CA10: variants seen among roughly 807,000 people sequenced by gnomAD.
CA10 encodes carbonic anhydrase 10 (inactive).
Under a neutral mutation model 44.2 loss-of-function variants are expected in CA10, and 14 were observed. The observed-to-expected ratio is 0.32, with a 90% CI of 0.21 to 0.50. CA10 has a LOEUF of 0.50. Among genes scored for constraint, CA10 ranks in the 20% least tolerant of loss-of-function variants. The probability of loss-of-function intolerance (pLI) is 0.99; values close to 1 mark genes in which losing one functional copy is unlikely to be tolerated. For synonymous variants in CA10, 159 were observed against 141.6 expected (o/e 1.12, Z -0.87); for missense variants, 350 against 409.7 (o/e 0.85, Z 1.26).
At chr17:51,741,941 A>G (rs1483815555) in intron 4 of CA10, among the ~76,000 whole-genome samples, 3 of 152,176 alleles carry the variant, frequency 2.0e-5, no homozygotes, top group African/African-American at 7.2e-5. Context: ...CAGGTAGTAA[A>G]TATTTTGGCT....
intron 3 of CA10, among the ~76,000 whole-genome samples, chr17:51,875,578 C>T (rs1366210445): frequency 2.0e-5 from 3 of 152,286 alleles, no homozygotes; most frequent in Middle Eastern, 3.4e-3. Flanking sequence ...TTATACTGCA[C>T]CCCAATCTCT....
At chr17:51,799,902 A>C (rs1906859329) in intron 3 of CA10, among the ~76,000 whole-genome samples, 2 of 152,208 alleles carry the variant, frequency 1.3e-5, no homozygotes, top group Admixed American at 1.3e-4. Context: ...GAAGCCTCAT[A>C]GACTGCTTGG....
chr17:51,699,779 G>C (rs573724249), intron 4 of CA10, among the ~76,000 whole-genome samples: 1 of 152,282 alleles, frequency 6.6e-6, no homozygotes, highest in African/African-American at 2.4e-5. Flanking sequence ...CAGCAGATGT[G>C]TATACCAGCT....
At chr17:51,886,869 G>A (rs1250871465) in intron 3 of CA10, among the ~76,000 whole-genome samples, 2 of 152,018 alleles carry the variant, frequency 1.3e-5, no homozygotes, top group Non-Finnish European at 2.9e-5. Context: ...TCTTGTTCTT[G>A]GGCCTTCAAA....
chr17:51,985,265 T>C (rs1421070689), intron 2 of CA10, among the ~76,000 whole-genome samples: 1 of 151,980 alleles, frequency 6.6e-6, no homozygotes, highest in African/African-American at 2.4e-5. Context: ...AAACAAAGAC[T>C]ACATGATCAT....
At chr17:51,998,508 T>C (rs891074562) in intron 2 of CA10, among the ~76,000 whole-genome samples, 1 of 152,084 alleles carries the variant, frequency 6.6e-6, no homozygotes, top group African/African-American at 2.4e-5. Flanking sequence ...CCATCCCTTT[T>C]TCCTCGAGTG....
intron 3 of CA10, among the ~76,000 whole-genome samples, chr17:51,792,572 C>A (rs574051021): frequency 3.9e-5 from 6 of 152,130 alleles, no homozygotes; most frequent in Admixed American, 6.5e-5. Context: ...TTGTGCAAAA[C>A]AATCATCCTA....
At position 51,682,333 on chromosome 17, in the gene CA10, G is replaced by A. The variant is rs78084427; in HGVS notation, c.466-28597C>T. The stretch of plus-strand genomic sequence containing the variant: ...TTGGGCCAAGGCACAAGCTGAAACC[G>A]CTGGCAAAATGAAACTTCCCCTGGC... On this transcript the variant is annotated intron_variant, in intron 4 of 8. Coordinates refer to ENST00000451037, the MANE Select transcript of CA10 (RefSeq NM_020178.5). Among the ~76,000 whole-genome samples the A allele has an allele frequency of 7.2e-3, 1,094 of 152,292 alleles. 7 individuals are homozygous for A. Among genetic ancestry groups the A allele is most frequent in the Non-Finnish European group, 8.6e-3 (588 of 68,032 alleles).
chr17:51,802,409 T>A (rs16950537), intron 3 of CA10, among the ~76,000 whole-genome samples: 7,151 of 152,070 alleles, frequency 0.047, 411 homozygotes, highest in African/African-American at 0.14. Flanking sequence ...GTCTAACTCA[T>A]GTGATCTTCA....
intron 2 of CA10, among the ~76,000 whole-genome samples, chr17:52,038,683 C>A (rs992205551): frequency 1.2e-4 from 18 of 152,060 alleles, no homozygotes; most frequent in African/African-American, 4.1e-4. Context: ...GCAAGTAAGA[C>A]AATGTATTTT....
chr17:52,118,357 G>A (rs1988942501), intron 1 of CA10, among the ~76,000 whole-genome samples: 1 of 152,150 alleles, frequency 6.6e-6, no homozygotes, highest in Admixed American at 6.5e-5. Flanking sequence ...CTGTTAATGA[G>A]TAAAGATTTT....
chr17:51,919,545 G>A (rs1431653830), intron 3 of CA10, among the ~76,000 whole-genome samples: 1 of 152,196 alleles, frequency 6.6e-6, no homozygotes, highest in East Asian at 1.9e-4. Context: ...TAGATGGATG[G>A]TAAGAGAGCT....
intron 6 of CA10, among the ~76,000 whole-genome samples, chr17:51,641,219 T>C (rs1913074642): frequency 6.6e-6 from 1 of 151,720 alleles, no homozygotes; most frequent in Non-Finnish European, 1.5e-5. Context: ...TATGAGAAAA[T>C]AGCTTATAAA....
intron 3 of CA10, among the ~76,000 whole-genome samples, chr17:51,892,934 AT>A (rs1980921183): frequency 6.6e-6 from 1 of 152,194 alleles, no homozygotes. Context: ...TGTGTCAAAA[AT>A]AAACTACTTG....
chr17:51,845,162 A>G (rs961817964), intron 3 of CA10, among the ~76,000 whole-genome samples: 5 of 152,136 alleles, frequency 3.3e-5, no homozygotes, highest in Non-Finnish European at 7.4e-5. Flanking sequence ...TGAATGTTTC[A>G]CCTCCAGATG....
intron 3 of CA10, among the ~76,000 whole-genome samples, chr17:51,928,522 G>C (rs1982520239): frequency 6.6e-6 from 1 of 152,146 alleles, no homozygotes; most frequent in African/African-American, 2.4e-5. Flanking sequence ...CTTCCAGAGA[G>C]CTGCATCACA....
intron 3 of CA10, among the ~76,000 whole-genome samples, chr17:51,909,369 G>C (rs1981697526): frequency 2.0e-5 from 3 of 152,134 alleles, no homozygotes; most frequent in African/African-American, 7.2e-5. Flanking sequence ...CGAGAATCCA[G>C]CTTGTTACCA....
chr17:52,108,409 A>G (rs547335406), intron 1 of CA10, among the ~76,000 whole-genome samples: 1 of 151,692 alleles, frequency 6.6e-6, no homozygotes, highest in Non-Finnish European at 1.5e-5. Context: ...CATAAGAATG[A>G]TGCCATGGGC....
At chr17:51,653,000 A>C (rs1301553375) in intron 5 of CA10, among the ~76,000 whole-genome samples, 1 of 84,394 alleles carries the variant, frequency 1.2e-5, no homozygotes, top group Non-Finnish European at 2.8e-5. Context: ...AAAGGTAATT[A>C]GTATTTTTTT....
Sources: allele counts gnomAD v4.1 joint callset (sites outside exome capture counted in the v4.1 genomes callset), GRCh38; gene constraint gnomAD v4.1.1; transcripts MANE v1.5; gene names NCBI Gene and HGNC (gene_info 2026-07-23, HGNC 2026-07-21).